ZFAND6: variants seen among roughly 807,000 people sequenced by gnomAD.
The protein encoded by ZFAND6 is zinc finger AN1-type containing 6.
ZFAND6 carries 12 observed loss-of-function variants against 24.5 expected under a neutral mutation model. The ratio of observed to expected loss-of-function variants is 0.49; its 90% confidence interval spans 0.31 to 0.79. The LOEUF is 0.79. Among genes scored for constraint, ZFAND6 ranks in the 30% least tolerant of loss-of-function variants. The pLI, the probability that ZFAND6 is intolerant of heterozygous loss-of-function variation, is 0.04. For synonymous variants in ZFAND6, 92 were observed against 81.5 expected, an observed-to-expected ratio of 1.13 and a Z score of -0.69; for missense variants, 207 against 245.9, an observed-to-expected ratio of 0.84 and a Z score of 1.06.
At chr15:80,075,783 T>C (rs562619839) in intron 1 of ZFAND6, among the ~76,000 whole-genome samples, 49 of 152,310 alleles carry the variant, frequency 3.2e-4, no homozygotes, top group African/African-American at 1.1e-3. Context: ...TTTGGTTTTC[T>C]GTGTTTGTAT....
intron 6 of ZFAND6, among the ~76,000 whole-genome samples, chr15:80,134,892 G>A (rs968924922): frequency 6.6e-5 from 10 of 152,238 alleles, no homozygotes; most frequent in African/African-American, 2.4e-4. Flanking sequence ...CGTTTGCAAC[G>A]TGGACCGTTT....
In ZFAND6 at chr15:80,122,800, G is replaced by A; in HGVS notation, c.364G>A (p.Ala122Thr). 2 of 1,607,770 alleles carry A rather than the reference G, an allele frequency of 1.2e-6. No individual in the cohort carries two copies. The highest frequency in any genetic ancestry group is 1.7e-6 in the Non-Finnish European group (2 of 1,174,750). Reference protein sequence around the residue: ...KAVPETEDVQASVSDTAQQPS... With the variant: ...KAVPETEDVQTSVSDTAQQPS... Reference sequence around the variant, plus strand: ...AGTACCTGAAACAGAAGATGTGCAGGGTTTGTATATGAACTAGCATGTATT... The same window carrying A: ...AGTACCTGAAACAGAAGATGTGCAGAGTTTGTATATGAACTAGCATGTATT... Residue 122 changes from alanine (A) to threonine (T), a missense_variant and splice_region_variant, in exon 5 of 7, where the codon GCT becomes ACT. Coordinates refer to ENST00000261749, the MANE Select transcript of ZFAND6 (RefSeq NM_019006.4).
At chr15:80,061,694 C>T (rs2036343115) in intron 1 of ZFAND6, among the ~76,000 whole-genome samples, 1 of 152,104 alleles carries the variant, frequency 6.6e-6, no homozygotes, top group Non-Finnish European at 1.5e-5. Context: ...ATGGGCACTT[C>T]GACCGTGTTT....
At chr15:80,101,392 G>T (rs1242454461) in intron 2 of ZFAND6, among the ~76,000 whole-genome samples, 2 of 152,132 alleles carry the variant, frequency 1.3e-5, no homozygotes, top group East Asian at 3.9e-4. Context: ...GAACCCGGGA[G>T]GCAGAGGTTG....
chr15:80,077,140 G>A (rs900209864), intron 1 of ZFAND6, among the ~76,000 whole-genome samples: 1 of 152,198 alleles, frequency 6.6e-6, no homozygotes, highest in African/African-American at 2.4e-5. Context: ...AGCACTTTAA[G>A]CTATTTGAAA....
intron 2 of ZFAND6, among the ~76,000 whole-genome samples, chr15:80,113,527 A>G (rs994573039): frequency 1.3e-5 from 2 of 152,172 alleles, no homozygotes; most frequent in South Asian, 2.1e-4. Flanking sequence ...GAAAAAAAGT[A>G]TGCATTTTAT....
intron 1 of ZFAND6, among the ~76,000 whole-genome samples, chr15:80,074,053 C>A (rs984800389): frequency 5.3e-5 from 8 of 152,000 alleles, no homozygotes; most frequent in Admixed American, 4.6e-4. Flanking sequence ...CAGTTTATAT[C>A]GACACCAGCA....
intron 2 of ZFAND6, among the ~76,000 whole-genome samples, chr15:80,099,440 G>C (rs569430990): frequency 6.6e-6 from 1 of 152,154 alleles, no homozygotes; most frequent in Admixed American, 6.5e-5. Flanking sequence ...CTTGTTAACT[G>C]TTCACTGAGG....
At chr15:80,065,536 G>GTTTTTTTTTTTTT (rs1341209807) in intron 1 of ZFAND6, among the ~76,000 whole-genome samples, 1 of 84,976 alleles carries the variant, frequency 1.2e-5, no homozygotes. Context: ...TTTTGGTTTT[G>GTTTTTTTTTTTTT]ATTTTTTTTT....
intron 6 of ZFAND6, among the ~76,000 whole-genome samples, chr15:80,137,033 T>C (rs1189083109): frequency 6.6e-6 from 1 of 152,226 alleles, no homozygotes; most frequent in Admixed American, 6.5e-5. Flanking sequence ...CACATCTCCA[T>C]GGGAGGTTAG....
At chr15:80,124,555 T>C (rs570574901) in intron 5 of ZFAND6, among the ~76,000 whole-genome samples, 2 of 152,324 alleles carry the variant, frequency 1.3e-5, no homozygotes, top group South Asian at 4.1e-4. Context: ...TCATAACACA[T>C]AGGAAGTGTT....
upstream of ZFAND6, chr15:80,059,466 C>T (rs2036204831): frequency 6.6e-6 from 1 of 152,238 alleles, no homozygotes; most frequent in South Asian, 2.1e-4. Flanking sequence ...TCCTTTCGCT[C>T]CGCCCCGCCT....
chr15:80,121,886 G>A (rs1048951709), intron 4 of ZFAND6, 66 bp downstream of exon 4: 3 of 1,323,010 alleles, frequency 2.3e-6, no homozygotes, highest in Non-Finnish European at 3.1e-6. Flanking sequence ...TTCTGTGTTT[G>A]ATTAATAAGG....
chr15:80,059,545 C>A (rs2036207092), upstream of ZFAND6: 1 of 152,088 alleles, frequency 6.6e-6, no homozygotes, highest in Non-Finnish European at 1.5e-5. Context: ...CCTCCTCCGG[C>A]CTGCGGCCCC....
intron 1 of ZFAND6, among the ~76,000 whole-genome samples, chr15:80,069,718 C>T (rs561060040): frequency 6.6e-6 from 1 of 152,230 alleles, no homozygotes; most frequent in South Asian, 2.1e-4. Flanking sequence ...AAGCAATCCT[C>T]CTGCCTCAGT....
Position 80,120,290 on chromosome 15 carries a change from C to T in ZFAND6, c.-17-38C>T, listed in dbSNP as rs567625057. On this transcript the variant is annotated intron_variant, in intron 2 of 6. Transcript: ENST00000261749. ...TTGGATAATGTGTGATTGGAAGTTA[C>T]GTGTCTGAGTTCTTTGCTAATTTTA... The T allele has an allele frequency of 1.8e-5, 26 of 1,406,892 alleles. No individual in the cohort carries two copies. In the East Asian group the frequency reaches 5.0e-4, roughly 27 times the overall value. The allele number at this position is 1,406,892 out of a possible 1,614,324, so 87.2% of individuals were successfully genotyped here. A position where few individuals can be genotyped will look rare whatever the true frequency, so the allele number is the denominator to read the frequency against.
intron 2 of ZFAND6, among the ~76,000 whole-genome samples, chr15:80,099,675 G>A (rs1386201139): frequency 7.0e-6 from 1 of 142,758 alleles, no homozygotes; most frequent in Admixed American, 7.5e-5. Context: ...TGGAGGCAGT[G>A]GCACAATTTC....
intron 5 of ZFAND6, chr15:80,130,952 C>A: frequency 1.3e-5 from 5 of 399,002 alleles, no homozygotes; most frequent in Non-Finnish European, 2.2e-5. Context: ...TCTATAAAAC[C>A]ACTGTTAACA....
intron 5 of ZFAND6, among the ~76,000 whole-genome samples, chr15:80,123,777 C>T (rs896486428): frequency 2.6e-5 from 4 of 152,152 alleles, no homozygotes; most frequent in Non-Finnish European, 4.4e-5. Flanking sequence ...AGGAAGCTGA[C>T]GTGGGAGGAT....
Sources: allele counts gnomAD v4.1 joint callset (sites outside exome capture counted in the v4.1 genomes callset), GRCh38; gene constraint gnomAD v4.1.1; transcripts MANE v1.5; gene names NCBI Gene and HGNC (gene_info 2026-07-23, HGNC 2026-07-21).